CCDC91: variants seen among roughly 807,000 people sequenced by gnomAD.
CCDC91 encodes coiled-coil domain-containing protein 91.
CCDC91 carries 48 observed loss-of-function variants against 63.2 expected under a neutral mutation model. The observed-to-expected ratio is 0.76, with a 90% CI of 0.60 to 0.97. The LOEUF is 0.97. Among genes scored for constraint, CCDC91 ranks in the 50% least tolerant of loss-of-function variants. CCDC91 has a pLI of 0.00. For missense variants in CCDC91, 500 were observed against 494.6 expected, an observed-to-expected ratio of 1.01 and a Z score of -0.10; for synonymous variants, 167 against 165.8, an observed-to-expected ratio of 1.01 and a Z score of -0.06.
chr12:28,210,461 AGTT>A (rs1333403801), intron 1 of CCDC91, among the ~76,000 whole-genome samples: 1 of 152,130 alleles, frequency 6.6e-6, no homozygotes, highest in East Asian at 1.9e-4. Flanking sequence ...AGATTATTAC[AGTT>A]GTTGTAAGTT....
At chr12:28,310,290 A>G (rs1311231211) in intron 6 of CCDC91, among the ~76,000 whole-genome samples, 1 of 152,086 alleles carries the variant, frequency 6.6e-6, no homozygotes, top group African/African-American at 2.4e-5. Flanking sequence ...GAACAGTAAC[A>G]TATCAGAGAG....
At chr12:28,335,288 A>ATATAATATAATATATAATACATATTATG (rs1202070806) in intron 6 of CCDC91, among the ~76,000 whole-genome samples, 7 of 137,752 alleles carry the variant, frequency 5.1e-5, no homozygotes, top group South Asian at 4.2e-4. Context: ...TACATATTAT[A>ATATAATATAATATATAATACATATTATG]TATAATATAA....
At chr12:28,209,189 A>G (rs1943063344) in intron 1 of CCDC91, among the ~76,000 whole-genome samples, 1 of 152,192 alleles carries the variant, frequency 6.6e-6, no homozygotes, top group Non-Finnish European at 1.5e-5. Flanking sequence ...ATTAATGTCA[A>G]TCCCAATTTT....
At chr12:28,332,323 A>G (rs1941583307) in intron 6 of CCDC91, among the ~76,000 whole-genome samples, 2 of 152,202 alleles carry the variant, frequency 1.3e-5, no homozygotes, top group African/African-American at 4.8e-5. Flanking sequence ...AAGCGATTTA[A>G]GAGTGACTTT....
At chr12:28,282,318 A>G (rs1312588395) in intron 3 of CCDC91, among the ~76,000 whole-genome samples, 1 of 152,274 alleles carries the variant, frequency 6.6e-6, no homozygotes, top group South Asian at 2.1e-4. Flanking sequence ...GTGCTTTTGC[A>G]TAACCACAGC....
intron 6 of CCDC91, among the ~76,000 whole-genome samples, chr12:28,333,346 G>A (rs1450224072): frequency 6.8e-6 from 1 of 146,296 alleles, no homozygotes; most frequent in East Asian, 2.0e-4. Flanking sequence ...AGTTAGCCGA[G>A]ATTGCGCCAT....
chr12:28,241,995 C>CAAAAAAAAAAAAAAAA (rs1209663723), intron 1 of CCDC91, among the ~76,000 whole-genome samples: 3 of 41,422 alleles, frequency 7.2e-5, no homozygotes, highest in East Asian at 8.5e-4. Flanking sequence ...GACTCCTTCT[C>CAAAAAAAAAAAAAAAA]AAAAAAAAAA....
chr12:28,453,978 T>G (rs539215389), intron 11 of CCDC91, among the ~76,000 whole-genome samples: 1 of 152,288 alleles, frequency 6.6e-6, no homozygotes, highest in South Asian at 2.1e-4. Context: ...TCTGCTGATT[T>G]GTCAAGAGTC....
In CCDC91 at chr12:28,190,538, G is replaced by C. The variant is rs1941105363; in HGVS notation, c.-118G>C. 6.5e-6 allele frequency: 1 copy of C among 153,142 alleles called. No homozygotes were observed. The highest frequency in any genetic ancestry group is 2.4e-5 in the African/African-American group (1 of 41,476). 9.5% of individuals were successfully genotyped at this position (153,142 alleles called of 1,614,324 possible). ...GGTCTCCCCTCAAGGGCCTGGGGCC[G>C]TGCCTCGGGTGTACGCGTAGGGGTC... On this transcript the variant is annotated 5_prime_UTR_variant, in exon 1 of 13. Coordinates refer to ENST00000536442, the MANE Select transcript of CCDC91 (RefSeq NM_018318.5).
chr12:28,482,886 G>A (rs1271058864), intron 11 of CCDC91, among the ~76,000 whole-genome samples: 2 of 151,736 alleles, frequency 1.3e-5, no homozygotes, highest in Non-Finnish European at 2.9e-5. Context: ...TTAAAAATTG[G>A]TAAAATAAAT....
chr12:28,295,810 A>G (rs961987204), intron 3 of CCDC91, among the ~76,000 whole-genome samples: 1 of 152,092 alleles, frequency 6.6e-6, no homozygotes, highest in Non-Finnish European at 1.5e-5. Flanking sequence ...AACATTTTAA[A>G]ATGATGTGTT....
intron 1 of CCDC91, among the ~76,000 whole-genome samples, chr12:28,203,450 G>T (rs1484135162): frequency 5.3e-5 from 8 of 152,192 alleles, no homozygotes; most frequent in South Asian, 4.2e-4. Context: ...CCACCACTTT[G>T]CTTCATGTTT....
At chr12:28,276,850 C>T (rs1471770853) in intron 3 of CCDC91, among the ~76,000 whole-genome samples, 1 of 151,878 alleles carries the variant, frequency 6.6e-6, no homozygotes, top group Non-Finnish European at 1.5e-5. Flanking sequence ...CTGTGTTCAT[C>T]TGTTGAAAAT....
intron 7 of CCDC91, among the ~76,000 whole-genome samples, chr12:28,369,511 C>T (rs976970022): frequency 6.6e-6 from 1 of 152,176 alleles, no homozygotes; most frequent in Non-Finnish European, 1.5e-5. Flanking sequence ...ACAGGTTTTT[C>T]AGGCATACAG....
At chr12:28,465,548 C>T (rs1242160721) in intron 11 of CCDC91, among the ~76,000 whole-genome samples, 1 of 152,198 alleles carries the variant, frequency 6.6e-6, no homozygotes, top group Non-Finnish European at 1.5e-5. Context: ...TTGGAGAATT[C>T]TTCTGGATCT....
chr12:28,297,988 A>T (rs1325376957), intron 3 of CCDC91, among the ~76,000 whole-genome samples: 1 of 151,812 alleles, frequency 6.6e-6, no homozygotes, highest in Non-Finnish European at 1.5e-5. Flanking sequence ...GTTGAATGTT[A>T]TAGGGCAGTC....
chr12:28,530,895 G>C (rs1271924949), intron 12 of CCDC91, among the ~76,000 whole-genome samples: 1 of 152,100 alleles, frequency 6.6e-6, no homozygotes, highest in African/African-American at 2.4e-5. Flanking sequence ...AATCCCCAGT[G>C]CAACAGTGTT....
At chr12:28,528,866 A>C (rs1004461437) in intron 12 of CCDC91, among the ~76,000 whole-genome samples, 3 of 152,200 alleles carry the variant, frequency 2.0e-5, no homozygotes, top group Non-Finnish European at 4.4e-5. Context: ...TATCAATCGG[A>C]AACTAGTTAA....
Position 28,256,207 on chromosome 12 carries a change from A to G in CCDC91, c.-14-995A>G, listed in dbSNP as rs1357028153. ...GTCATGGGGGTTTGTTGTACAGATT[A>G]TTTTGTCATATGGTCACTTCTGAAT... On this transcript the variant is annotated intron_variant, in intron 1 of 12. Transcript: ENST00000536442. 2.0e-5 allele frequency: 3 copies of G among 152,084 alleles called. No homozygotes were observed. The East Asian group carries it at 5.8e-4, about 29-fold the overall frequency. The allele number at this position is 152,084 out of a possible 1,614,324, so 9.4% of individuals were successfully genotyped here.
Sources: allele counts gnomAD v4.1 joint callset (sites outside exome capture counted in the v4.1 genomes callset), GRCh38; gene constraint gnomAD v4.1.1; transcripts MANE v1.5; gene names NCBI Gene and HGNC (gene_info 2026-07-23, HGNC 2026-07-21).